Variants in CLEC2A observed in about 807,000 individuals in gnomAD.
CLEC2A encodes the protein keratinocyte-associated C-type lectin.
A neutral mutation model predicts 18.6 loss-of-function variants in CLEC2A; 19 were observed. That is an observed-to-expected ratio of 1.02 (90% confidence interval 0.71 to 1.50). The LOEUF (loss-of-function observed/expected upper bound fraction) is 1.50, where lower values mean the gene tolerates loss of function less well. CLEC2A is among the 40% of genes most tolerant of loss of function. CLEC2A has a pLI of 0.00. For missense variants in CLEC2A, 190 were observed against 207.9 expected, an observed-to-expected ratio of 0.91 and a Z score of 0.53; for synonymous variants, 74 against 64.0, an observed-to-expected ratio of 1.16 and a Z score of -0.75.
At chr12:9,900,168 C>T (rs1342081255) in intron 4 of CLEC2A, among the ~76,000 whole-genome samples, 1 of 152,182 alleles carries the variant, frequency 6.6e-6, no homozygotes, top group Admixed American at 6.5e-5. Flanking sequence ...GATGGGCACC[C>T]TATTTATTCC....
intron 2 of CLEC2A, among the ~76,000 whole-genome samples, chr12:9,922,907 T>A (rs1863197044): frequency 6.6e-6 from 1 of 152,198 alleles, no homozygotes. Context: ...CTGCACCCCC[T>A]ACTCCACCAT....
In CLEC2A at chr12:9,913,668, T is replaced by C. The variant is rs1026091708; in HGVS notation, c.423A>G (p.Ile141Met). 2 of 1,545,628 alleles carry C rather than the reference T, an allele frequency of 1.3e-6. No homozygotes were observed. The highest frequency in any genetic ancestry group is 2.7e-5 in the African/African-American group (2 of 72,862). Reference sequence around the variant, plus strand: ...TCAAGAAAGCAAAGGATCCGTTCCCTATAATTTCAAACCTGAAAAAGAACA... The same window carrying C: ...TCAAGAAAGCAAAGGATCCGTTCCCCATAATTTCAAACCTGAAAAAGAACA... ...GTTFNGWFEI[I>M]GNGSFAFLSA... The change falls in exon 5 of 5, where the codon ATA (isoleucine) becomes ATG (methionine). Residue 141 changes from isoleucine to methionine, a missense_variant. By Grantham distance (10) the Ile-to-Met change is conservative. Coordinates refer to ENST00000455827, the MANE Select transcript of CLEC2A (RefSeq NM_001130711.2).
At chr12:9,897,301 A>G (rs1007338983), downstream of CLEC2A, among the ~76,000 whole-genome samples, 118 of 150,672 alleles carry the variant, frequency 7.8e-4, 1 homozygote, top group African/African-American at 2.6e-3. Context: ...CTTTCCCTCT[A>G]CCCCCTGGAA....
At chr12:9,884,739 T>C in the CLEC2A span, among the ~76,000 whole-genome samples, 3 of 151,258 alleles carry the variant, frequency 2.0e-5, no homozygotes, top group Non-Finnish European at 4.4e-5. Context: ...TCTATGTCAG[T>C]ACAATCCAAA....
chr12:9,924,476 C>CCAAAA (rs893054493), intron 2 of CLEC2A, among the ~76,000 whole-genome samples: 2 of 127,808 alleles, frequency 1.6e-5, no homozygotes, highest in Admixed American at 1.6e-4. Flanking sequence ...CCCAATCAAA[C>CCAAAA]CAAAACAAAA....
chr12:9,906,980 C>T (rs1591786491), intron 4 of CLEC2A, among the ~76,000 whole-genome samples: 1 of 152,162 alleles, frequency 6.6e-6, no homozygotes, highest in East Asian at 1.9e-4. Context: ...AGTGAGTCAC[C>T]TCCCTGCCTT....
chr12:9,896,460 A>C (rs118183854), downstream of CLEC2A, among the ~76,000 whole-genome samples: 1,605 of 152,288 alleles, frequency 0.011, 35 homozygotes, highest in Admixed American at 0.05. Context: ...TCAAAACAAA[A>C]AAAAAAAGCA....
intron 4 of CLEC2A, chr12:9,898,992 G>A: frequency 1.4e-6 from 1 of 711,472 alleles, no homozygotes. Flanking sequence ...AGCAAGAACA[G>A]ACAAACCGGA....
chr12:9,919,348 C>T (rs2137041936), intron 3 of CLEC2A, among the ~76,000 whole-genome samples: 1 of 152,308 alleles, frequency 6.6e-6, no homozygotes, highest in East Asian at 1.9e-4. Context: ...AGGGTCTCTG[C>T]TGTGGGCCCA....
the CLEC2A span, among the ~76,000 whole-genome samples, chr12:9,890,181 T>C: frequency 6.6e-6 from 1 of 152,210 alleles, no homozygotes; most frequent in African/African-American, 2.4e-5. Flanking sequence ...TAAAGGCTCG[T>C]TTTGCTTAAC....
the CLEC2A span, among the ~76,000 whole-genome samples, chr12:9,877,767 G>T: frequency 6.6e-5 from 10 of 152,198 alleles, no homozygotes; most frequent in Non-Finnish European, 1.0e-4. Context: ...TGTTTTACTT[G>T]TTGATGTATT....
At chr12:9,909,014 G>A (rs530579301), downstream of CLEC2A, among the ~76,000 whole-genome samples, 62 of 152,290 alleles carry the variant, frequency 4.1e-4, no homozygotes, top group East Asian at 1.9e-3. Flanking sequence ...TTCACTTAGA[G>A]GATGATCTTT....
intron 4 of CLEC2A, among the ~76,000 whole-genome samples, chr12:9,913,986 G>C (rs1591790363): frequency 6.6e-6 from 1 of 151,926 alleles, no homozygotes; most frequent in Non-Finnish European, 1.5e-5. Flanking sequence ...TTCCTTCCTT[G>C]GTTCTTTCCT....
chr12:9,903,379 T>C (rs1407945657), intron 4 of CLEC2A, among the ~76,000 whole-genome samples: 1 of 152,194 alleles, frequency 6.6e-6, no homozygotes, highest in Non-Finnish European at 1.5e-5. Flanking sequence ...ACACCTATTA[T>C]AACAGCAAAA....
At chr12:9,904,099 A>C (rs2137018315) in intron 4 of CLEC2A, among the ~76,000 whole-genome samples, 1 of 152,278 alleles carries the variant, frequency 6.6e-6, no homozygotes, top group African/African-American at 2.4e-5. Flanking sequence ...GGAATGACTT[A>C]AGCTCACTGC....
chr12:9,906,927 T>C (rs1164426920), intron 4 of CLEC2A, among the ~76,000 whole-genome samples: 1 of 152,216 alleles, frequency 6.6e-6, no homozygotes, highest in Non-Finnish European at 1.5e-5. Flanking sequence ...GTTAAATCAT[T>C]TCTTTCTATT....
At chr12:9,914,051 A>T (rs1863029996) in intron 4 of CLEC2A, among the ~76,000 whole-genome samples, 1 of 152,072 alleles carries the variant, frequency 6.6e-6, no homozygotes, top group East Asian at 1.9e-4. Context: ...TGTTTGCCAA[A>T]TTCAAAGATT....
intron 3 of CLEC2A, among the ~76,000 whole-genome samples, chr12:9,921,747 G>A (rs947540327): frequency 1.3e-5 from 2 of 152,166 alleles, no homozygotes; most frequent in African/African-American, 2.4e-5. Flanking sequence ...GGAAGCTAGA[G>A]AAAAGAAGAT....
intron 4 of CLEC2A, among the ~76,000 whole-genome samples, chr12:9,904,871 C>T (rs138705997): frequency 8.5e-5 from 13 of 152,252 alleles, no homozygotes; most frequent in African/African-American, 2.9e-4. Context: ...GGCTGTCCAC[C>T]GTCCATGTTG....
Sources: gnomAD v4.1 joint callset for allele counts (sites outside exome capture counted in the v4.1 genomes callset) on GRCh38, gnomAD v4.1.1 for gene constraint, MANE v1.5 for transcripts, NCBI Gene and HGNC (gene_info 2026-07-23, HGNC 2026-07-21) for gene names.